DLG2: variants seen among roughly 807,000 people sequenced by gnomAD.
The protein encoded by DLG2 is discs large MAGUK scaffold protein 2.
DLG2 carries 45 observed loss-of-function variants against 132.5 expected under a neutral mutation model. The ratio of observed to expected loss-of-function variants is 0.34; its 90% CI spans 0.27 to 0.44. DLG2 has a LOEUF of 0.44. Ranked by LOEUF, DLG2 falls within the 20% of genes least tolerant of loss-of-function variation. The pLI is 1.00. For synonymous variants in DLG2, 424 were observed against 419.6 expected (o/e 1.01, Z -0.13); for missense variants, 1,045 against 1,196.9 (o/e 0.87, Z 1.87).
In DLG2 at chr11:83,979,823, A is replaced by G. The variant is rs555986419; in HGVS notation, c.1056+683T>C. Among the ~76,000 whole-genome samples the G allele has an allele frequency of 4.8e-4, 73 of 152,280 alleles. No individual in the cohort carries two copies. The South Asian group carries it at 0.014, about 29-fold the overall frequency. On this transcript the variant is annotated intron_variant, in intron 12 of 27. Coordinates refer to ENST00000376104, the MANE Select transcript of DLG2 (RefSeq NM_001142699.3). ...AAGCCAGGGTGTTGTTTCTATTGTT[A>G]TGCAAACCCCACCTCTCCAGCAGTC...
intron 17 of DLG2, among the ~76,000 whole-genome samples, chr11:83,822,848 A>G (rs192313948): frequency 2.0e-5 from 3 of 152,214 alleles, no homozygotes; most frequent in Admixed American, 2.0e-4. Context: ...AAATTCACCA[A>G]TCAAGCTCCC....
At chr11:85,548,698 GAATCTGGAGAGGC>G (rs1466247826) in intron 3 of DLG2, among the ~76,000 whole-genome samples, 1 of 152,184 alleles carries the variant, frequency 6.6e-6, no homozygotes, top group East Asian at 1.9e-4. Flanking sequence ...AGAGAGGAGG[GAATCTGGAGAGGC>G]AGTCTGGCCA....
chr11:84,798,125 A>G (rs1428515248), intron 6 of DLG2, among the ~76,000 whole-genome samples: 1 of 152,170 alleles, frequency 6.6e-6, no homozygotes, highest in African/African-American at 2.4e-5. Flanking sequence ...TCAGATCTGA[A>G]GAGAATAGAG....
At chr11:83,629,516 G>A (rs2063208435) in intron 19 of DLG2, among the ~76,000 whole-genome samples, 1 of 151,970 alleles carries the variant, frequency 6.6e-6, no homozygotes, top group South Asian at 2.1e-4. Context: ...GGGTACTCTA[G>A]CTTTCCTTTT....
At chr11:83,902,000 C>T (rs1318600506) in intron 15 of DLG2, among the ~76,000 whole-genome samples, 1 of 151,556 alleles carries the variant, frequency 6.6e-6, no homozygotes, top group Non-Finnish European at 1.5e-5. Flanking sequence ...CCATTATTAA[C>T]TACTTTTCCA....
intron 6 of DLG2, among the ~76,000 whole-genome samples, chr11:84,770,334 G>T (rs945390161): frequency 1.2e-4 from 19 of 152,134 alleles, no homozygotes; most frequent in African/African-American, 4.6e-4. Flanking sequence ...TTAGATTCAG[G>T]GGTACATGTG....
chr11:84,528,746 C>A (rs1216578417), intron 7 of DLG2, among the ~76,000 whole-genome samples: 2 of 152,172 alleles, frequency 1.3e-5, no homozygotes, highest in Non-Finnish European at 2.9e-5. Flanking sequence ...AGACCTTGTA[C>A]CTTTTTAGCA....
chr11:83,849,881 C>T (rs190783854), intron 16 of DLG2, among the ~76,000 whole-genome samples: 17 of 152,070 alleles, frequency 1.1e-4, no homozygotes, highest in Non-Finnish European at 2.1e-4. Flanking sequence ...CCCCGGCCTT[C>T]GTGTCTCCAG....
chr11:84,236,565 A>C lies in DLG2; in HGVS notation c.573+14673T>G, dbSNP rs79759238. Among the ~76,000 whole-genome samples the C allele has an allele frequency of 9.2e-4, 140 of 152,346 alleles. 1 individual carries two copies. The East Asian group carries it at 0.019, about 20-fold the overall frequency. On this transcript the variant is annotated intron_variant, in intron 8 of 27. Transcript: ENST00000376104. ...CCAATTACAACTCATAAATGGTGAC[A>C]TGTGTCAGCAGAACAACCCTTGGAG...
At chr11:84,952,906 C>G (rs561388724) in intron 6 of DLG2, among the ~76,000 whole-genome samples, 1 of 152,166 alleles carries the variant, frequency 6.6e-6, no homozygotes, top group Non-Finnish European at 1.5e-5. Flanking sequence ...CAAGGTTTTC[C>G]GTGAGCTGAA....
rs543457665 is a variant in DLG2, at chr11:84,662,945, G to A, written c.358-128214C>T. On this transcript the variant is annotated intron_variant, in intron 6 of 27. Transcript: ENST00000376104. ...GGCATTTTCTGAGCCAGCCTACTCA[G>A]TTATAATTAAGCCCTGAGAGGAAAA... 5.5e-4 allele frequency among the ~76,000 whole-genome samples: 83 copies of A among 152,142 alleles called. 1 individual carries two copies. In the South Asian group the frequency reaches 0.012, roughly 22 times the overall value.
At chr11:85,554,947 G>A (rs146454013) in intron 3 of DLG2, among the ~76,000 whole-genome samples, 31 of 151,488 alleles carry the variant, frequency 2.0e-4, no homozygotes, top group South Asian at 2.1e-4. Context: ...ACACACATAT[G>A]ATTTAACTTT....
intron 7 of DLG2, among the ~76,000 whole-genome samples, chr11:84,259,280 A>T (rs1376539041): frequency 2.3e-5 from 3 of 132,360 alleles, no homozygotes; most frequent in Non-Finnish European, 4.8e-5. Context: ...AAAAAAAAAA[A>T]GGTTCTTAGG....
At chr11:84,537,359 G>A (rs2154521469) in intron 6 of DLG2, among the ~76,000 whole-genome samples, 1 of 152,168 alleles carries the variant, frequency 6.6e-6, no homozygotes, top group East Asian at 1.9e-4. Flanking sequence ...GTCCACCTCA[G>A]CCTCCCAAAG....
chr11:85,520,053 T>TA lies in DLG2; in HGVS notation c.40+78603_40+78604insT, dbSNP rs898519585. On this transcript the variant is annotated intron_variant, in intron 3 of 27. Coordinates refer to ENST00000376104, the MANE Select transcript of DLG2 (RefSeq NM_001142699.3). ...ATGCACCTGGCTAATTTTTTTTTTT[T>TA]TATATTTGGTGGAGATGGGGCCTCT... Among the ~76,000 whole-genome samples, 8 of 152,008 alleles carry TA rather than the reference T, an allele frequency of 5.3e-5. No individual in the cohort carries two copies. The South Asian group carries it at 6.2e-4, about 12-fold the overall frequency.
intron 5 of DLG2, among the ~76,000 whole-genome samples, chr11:85,117,631 C>T (rs886878990): frequency 2.1e-5 from 3 of 141,544 alleles, no homozygotes; most frequent in African/African-American, 5.3e-5. Context: ...AAAAAGTAAT[C>T]GTAAATAGGA....
Position 85,111,674 on chromosome 11 carries a change from A to G in DLG2, c.344T>C (p.Val115Ala). ...CSVEAPAWMP[V>A]HHCTKYRYQD... is the part of the protein sequence containing the mutation. ...AATCAAACTTACAGTACAGTGGTGG[A>G]CAGGCATCCAAGCAGGGGCTTCCAC... The change falls in exon 6 of 28, where the codon GTC becomes GCC. Residue 115 changes from valine (V) to alanine (A), a missense_variant. Coordinates refer to ENST00000376104, the MANE Select transcript of DLG2 (RefSeq NM_001142699.3). 1.3e-6 allele frequency: 2 copies of G among 1,563,896 alleles called. No individual in the cohort carries two copies. The highest frequency in any genetic ancestry group is 1.7e-6 in the Non-Finnish European group (2 of 1,153,326).
At chr11:84,411,751 C>T (rs1210899885) in intron 7 of DLG2, among the ~76,000 whole-genome samples, 1 of 152,190 alleles carries the variant, frequency 6.6e-6, no homozygotes, top group East Asian at 1.9e-4. Context: ...TTACACAACA[C>T]ATAGTATTGC....
chr11:84,864,735 T>G (rs763596778), intron 6 of DLG2, among the ~76,000 whole-genome samples: 1 of 152,108 alleles, frequency 6.6e-6, no homozygotes, highest in Non-Finnish European at 1.5e-5. Context: ...ATTCAACTAA[T>G]TGTTATGGAT....
Sources: allele counts gnomAD v4.1 joint callset (sites outside exome capture counted in the v4.1 genomes callset), GRCh38; gene constraint gnomAD v4.1.1; transcripts MANE v1.5; gene names NCBI Gene and HGNC (gene_info 2026-07-23, HGNC 2026-07-21).